The following WWOX variants were observed in gnomAD, a reference collection of about 807,000 sequenced individuals.
WWOX encodes the protein WW domain-containing oxidoreductase.
In WWOX, 69 loss-of-function variants were observed where a neutral mutation model predicts 46.2. The observed-to-expected ratio is 1.49, with a 90% CI of 1.23 to 1.82. The LOEUF (loss-of-function observed/expected upper bound fraction) is 1.82. Among genes scored for constraint, WWOX ranks in the 40% most tolerant of loss-of-function variants. WWOX has a pLI of 0.00. For missense variants in WWOX, 919 were observed against 542.6 expected, an observed-to-expected ratio of 1.69 and a Z score of -6.89; for synonymous variants, 359 against 202.6, an observed-to-expected ratio of 1.77 and a Z score of -6.56.
chr16:78,396,648 G>A (rs536264539), intron 6 of WWOX, among the ~76,000 whole-genome samples: 3 of 152,312 alleles, frequency 2.0e-5, no homozygotes, highest in Non-Finnish European at 4.4e-5. Context: ...TATTGTTGGT[G>A]TTAAATAATG....
At chr16:79,048,393 G>C (rs1483729338) in intron 8 of WWOX, among the ~76,000 whole-genome samples, 1 of 151,954 alleles carries the variant, frequency 6.6e-6, no homozygotes, top group Non-Finnish European at 1.5e-5. Context: ...CCCATTTTCT[G>C]CTTGGTTCAG....
chr16:79,127,495 C>T (rs1433160452), intron 8 of WWOX, among the ~76,000 whole-genome samples: 3 of 152,158 alleles, frequency 2.0e-5, no homozygotes, highest in Non-Finnish European at 2.9e-5. Flanking sequence ...TTTCATAATT[C>T]ATTGAACCAA....
At chr16:78,827,016 G>A (rs185408787) in intron 8 of WWOX, among the ~76,000 whole-genome samples, 4 of 152,178 alleles carry the variant, frequency 2.6e-5, no homozygotes, top group South Asian at 2.1e-4. Context: ...TCCCCGTGTC[G>A]CTTTCCTGCC....
intron 5 of WWOX, among the ~76,000 whole-genome samples, chr16:78,224,125 T>G (rs2036976500): frequency 6.6e-6 from 1 of 152,076 alleles, no homozygotes; most frequent in East Asian, 1.9e-4. Flanking sequence ...TGCCTCAGCC[T>G]CCCAAGTAGC....
At chr16:78,736,094 G>C (rs1368315582) in intron 8 of WWOX, among the ~76,000 whole-genome samples, 2 of 152,144 alleles carry the variant, frequency 1.3e-5, no homozygotes, top group African/African-American at 4.8e-5. Flanking sequence ...GAATGTTCTT[G>C]GGACAAATGT....
chr16:78,335,972 G>C (rs918969072), intron 5 of WWOX, among the ~76,000 whole-genome samples: 1 of 151,998 alleles, frequency 6.6e-6, no homozygotes, highest in Non-Finnish European at 1.5e-5. Flanking sequence ...CACACCTGTA[G>C]TCCCAGCTAT....
intron 5 of WWOX, among the ~76,000 whole-genome samples, chr16:78,321,383 TATATATATAC>T (rs2080476438): frequency 4.1e-5 from 4 of 98,570 alleles, no homozygotes; most frequent in South Asian, 2.9e-4. Flanking sequence ...TATATATGCG[TATATATATAC>T]GTATATATAC....
intron 8 of WWOX, among the ~76,000 whole-genome samples, chr16:79,044,516 A>C (rs2048031092): frequency 6.6e-6 from 1 of 152,198 alleles, no homozygotes; most frequent in South Asian, 2.1e-4. Context: ...TGCCCTGGCC[A>C]CATGACGTGC....
chr16:78,108,271 C>A, intron 1 of WWOX, 152 bp from the exon 2 acceptor site: 2 of 736,856 alleles, frequency 2.7e-6, no homozygotes, highest in South Asian at 1.6e-5. Flanking sequence ...TAAAGTTGAC[C>A]CCGTAGCTGG....
At chr16:78,294,119 G>T (rs1437597933) in intron 5 of WWOX, among the ~76,000 whole-genome samples, 1 of 151,216 alleles carries the variant, frequency 6.6e-6, no homozygotes, top group Non-Finnish European at 1.5e-5. Flanking sequence ...CTCTGCTGCT[G>T]GTCCCTGGGT....
At chr16:78,500,412 C>T (rs1162709227) in intron 8 of WWOX, among the ~76,000 whole-genome samples, 1 of 149,568 alleles carries the variant, frequency 6.7e-6, no homozygotes, top group East Asian at 1.9e-4. Flanking sequence ...TTCTTTCCTT[C>T]CTTCCTTCCT....
At chr16:78,235,528 C>T (rs570689463) in intron 5 of WWOX, among the ~76,000 whole-genome samples, 2 of 152,172 alleles carry the variant, frequency 1.3e-5, no homozygotes, top group Non-Finnish European at 2.9e-5. Flanking sequence ...AACAGAGGCC[C>T]CTGACCTTGT....
rs1447080688 is a variant in WWOX, at chr16:78,314,696, T to TG, written c.517-72164_517-72163insG. ...CACCCCACCCTGCAGGGGTTTTTTT[T>TG]TTTTGTTTTTTTTTTTTTTTTTTTT... On this transcript the variant is annotated intron_variant, in intron 5 of 8. Transcript: ENST00000566780. 3.4e-4 allele frequency among the ~76,000 whole-genome samples: 23 copies of TG among 67,056 alleles called. 1 individual carries two copies. The highest frequency in any genetic ancestry group is 8.8e-3 in the East Asian group (2 of 228). 44.0% of individuals were successfully genotyped at this position (67,056 alleles called of 152,430 possible). A position where few individuals can be genotyped will look rare whatever the true frequency, so the allele number is the denominator to read the frequency against.
intron 8 of WWOX, among the ~76,000 whole-genome samples, chr16:78,787,427 C>A (rs2050484906): frequency 6.6e-6 from 1 of 152,116 alleles, no homozygotes; most frequent in African/African-American, 2.4e-5. Flanking sequence ...CAATATGTGG[C>A]CTTTTGTGTC....
chr16:78,359,384 C>T (rs2081362984), intron 5 of WWOX, among the ~76,000 whole-genome samples: 1 of 152,142 alleles, frequency 6.6e-6, no homozygotes, highest in African/African-American at 2.4e-5. Context: ...AAGTTTTTTT[C>T]TGCTGTGCTT....
intron 8 of WWOX, among the ~76,000 whole-genome samples, chr16:78,601,541 T>G (rs2045622955): frequency 6.6e-6 from 1 of 152,192 alleles, no homozygotes. Flanking sequence ...TTTTCCAAAT[T>G]GTAAGGTCTT....
intron 8 of WWOX, among the ~76,000 whole-genome samples, chr16:78,919,643 G>A (rs149193901): frequency 6.7e-5 from 10 of 149,414 alleles, no homozygotes; most frequent in Middle Eastern, 3.4e-3. Context: ...TCATGCTCCC[G>A]AATAGCTGGG....
At chr16:78,734,666 C>T (rs763160179) in intron 8 of WWOX, among the ~76,000 whole-genome samples, 1 of 151,704 alleles carries the variant, frequency 6.6e-6, no homozygotes, top group Non-Finnish European at 1.5e-5. Context: ...TCTGGGGTGT[C>T]TGTGAGTGTG....
chr16:78,484,558 C>T lies in WWOX; in HGVS notation c.1056+51806C>T, dbSNP rs190016392. On this transcript the variant is annotated intron_variant, in intron 8 of 8. Coordinates refer to ENST00000566780, the MANE Select transcript of WWOX (RefSeq NM_016373.4). ...CACAATTGACTTATAGTCTAATAATCACGTATACTTAAGCAGAAGTTGGGT... is the reference window on the plus strand; with the variant it reads ...CACAATTGACTTATAGTCTAATAATTACGTATACTTAAGCAGAAGTTGGGT... Among the ~76,000 whole-genome samples the T allele has an allele frequency of 7.9e-5, 12 of 152,250 alleles. No homozygotes were observed. The East Asian group carries it at 1.9e-3, about 24-fold the overall frequency.
Sources: allele counts gnomAD v4.1 joint callset (sites outside exome capture counted in the v4.1 genomes callset), GRCh38; gene constraint gnomAD v4.1.1; transcripts MANE v1.5; gene names NCBI Gene and HGNC (gene_info 2026-07-23, HGNC 2026-07-21).